The following PHF20 variants were observed in gnomAD, a reference collection of about 807,000 sequenced individuals.
PHF20 encodes glioma-expressed antigen 2.
In PHF20, 23 loss-of-function variants were observed where a neutral mutation model predicts 113.5. The ratio of observed to expected loss-of-function variants is 0.20; its 90% CI spans 0.15 to 0.29. The LOEUF is 0.29. PHF20 is among the 10% of genes least tolerant of loss of function. The pLI is 1.00. For missense variants in PHF20, 943 were observed against 1,219.6 expected, an observed-to-expected ratio of 0.77 and a Z score of 3.38; for synonymous variants, 434 against 457.3, an observed-to-expected ratio of 0.95 and a Z score of 0.65.
At chr20:35,862,987 T>G (rs1568668680) in intron 5 of PHF20, 26 bp from the exon 6 acceptor site, 1 of 1,534,844 alleles carries the variant, frequency 6.5e-7, no homozygotes, top group East Asian at 2.3e-5. Context: ...TCACGAAGTG[T>G]TTCATCGCTA....
intron 10 of PHF20, among the ~76,000 whole-genome samples, chr20:35,910,855 C>T (rs1359575677): frequency 6.6e-6 from 1 of 152,100 alleles, no homozygotes; most frequent in African/African-American, 2.4e-5. Flanking sequence ...TCTTGAACTC[C>T]TGACCCCAGC....
chr20:35,884,831 T>G lies in PHF20; in HGVS notation c.1282+13002T>G, dbSNP rs150077137. Among the ~76,000 whole-genome samples, 105 of 152,290 alleles carry G rather than the reference T, an allele frequency of 6.9e-4. 1 individual carries two copies. In the East Asian group the frequency reaches 0.019, roughly 27 times the overall value. The stretch of plus-strand genomic sequence containing the variant: ...AGCTTTATTATTCTCTCCCAGATTT[T>G]ATTTTATTTCATTTTTTGAGATGGA... On this transcript the variant is annotated intron_variant, in intron 9 of 17. Transcript: ENST00000374012.
intron 5 of PHF20, among the ~76,000 whole-genome samples, chr20:35,859,579 C>G (rs2054178713): frequency 6.8e-6 from 1 of 148,104 alleles, no homozygotes; most frequent in Non-Finnish European, 1.5e-5. Flanking sequence ...GAGTCTTGTT[C>G]TGTTGCCTGG....
intron 1 of PHF20, among the ~76,000 whole-genome samples, chr20:35,785,090 G>A (rs1414985174): frequency 2.0e-5 from 3 of 151,712 alleles, no homozygotes; most frequent in Non-Finnish European, 2.9e-5. Flanking sequence ...GGAGGAAGGA[G>A]GTCTTGCTTC....
Position 35,863,366 on chromosome 20 carries a change from A to G in PHF20, c.774A>G (p.Arg258=), listed in dbSNP as rs778556177. The G allele has an allele frequency of 1.1e-5, 18 of 1,608,032 alleles. No homozygotes were observed. Among genetic ancestry groups the G allele is most frequent in the Non-Finnish European group, 1.5e-5 (18 of 1,178,506 alleles). The change falls in exon 6 of 18, where the codon AGA becomes AGG. Residue 258 remains arginine (R), a synonymous_variant. Coordinates refer to ENST00000374012, the MANE Select transcript of PHF20 (RefSeq NM_016436.5). ...AAGAAAACTTGAGGGAACCCAAAAG[A>G]AAACGAGGCAGACCCCCTTCCATAG... The part of the protein sequence containing the change: ...SPQENLREPK[R]KRGRPPSIAP...
chr20:35,916,917 G>A (rs905000092), intron 12 of PHF20, among the ~76,000 whole-genome samples: 7 of 152,092 alleles, frequency 4.6e-5, no homozygotes, highest in African/African-American at 1.4e-4. Flanking sequence ...GTGCATCACC[G>A]TGCCCAGCTA....
intron 2 of PHF20, among the ~76,000 whole-genome samples, chr20:35,832,609 AGAGTGGGCAGG>A (rs1441604976): frequency 6.6e-6 from 1 of 152,208 alleles, no homozygotes; most frequent in Non-Finnish European, 1.5e-5. Flanking sequence ...TTGCCTGGGA[AGAGTGGGCAGG>A]GATTGTTGTT....
chr20:35,944,853 G>A lies in PHF20; in HGVS notation c.2897-2632G>A, dbSNP rs541887024. Among the ~76,000 whole-genome samples, 589 of 152,210 alleles carry A rather than the reference G, an allele frequency of 3.9e-3. 1 individual carries two copies. The highest frequency in any genetic ancestry group is 5.6e-3 in the Non-Finnish European group (378 of 67,992). ...AGGTGTTGGGATTACAGGCGTGCAC[G>A]TCCGGCCTCTCCATTTATTCTTCTG... On this transcript the variant is annotated intron_variant, in intron 17 of 17. Transcript: ENST00000374012.
intron 3 of PHF20, 26 bp from the exon 4 acceptor site, chr20:35,847,322 ATC>A: frequency 1.6e-6 from 2 of 1,281,110 alleles, no homozygotes; most frequent in Admixed American, 3.6e-5. Flanking sequence ...TGGTAACAGG[ATC>A]TTTTTTTTTT....
rs533007279 is a variant in PHF20 at position 35,911,777 on chromosome 20, G to C, written c.1562-1472G>C. On this transcript the variant is annotated intron_variant, in intron 10 of 17. Transcript: ENST00000374012. ...CGATTCGAGCAATTCTTCTGCCTCAGCCTCCCAAGTAGCTGGGATTACAGG... is the reference window on the plus strand; with the variant it reads ...CGATTCGAGCAATTCTTCTGCCTCACCCTCCCAAGTAGCTGGGATTACAGG... Among the ~76,000 whole-genome samples, 140 of 152,040 alleles carry C rather than the reference G, an allele frequency of 9.2e-4. 1 individual carries two copies. The South Asian group carries it at 0.029, about 31-fold the overall frequency.
intron 2 of PHF20, among the ~76,000 whole-genome samples, chr20:35,831,104 C>T (rs964904091): frequency 6.6e-6 from 1 of 152,080 alleles, no homozygotes; most frequent in Non-Finnish European, 1.5e-5. Flanking sequence ...AATATACACA[C>T]TAAAGTTATT....
intron 1 of PHF20, among the ~76,000 whole-genome samples, chr20:35,777,385 G>A (rs1180587435): frequency 1.3e-5 from 2 of 152,214 alleles, no homozygotes; most frequent in South Asian, 2.1e-4. Flanking sequence ...GAGATGTAAT[G>A]TTTTTAGTCC....
intron 17 of PHF20, among the ~76,000 whole-genome samples, chr20:35,945,314 C>G (rs1413135160): frequency 1.3e-5 from 2 of 152,138 alleles, no homozygotes; most frequent in South Asian, 2.1e-4. Flanking sequence ...GGAACTTGAT[C>G]TAGTGGGAGA....
chr20:35,827,112 G>T (rs2042275566), intron 2 of PHF20, among the ~76,000 whole-genome samples: 1 of 152,130 alleles, frequency 6.6e-6, no homozygotes, highest in Non-Finnish European at 1.5e-5. Flanking sequence ...AGGAATAGAG[G>T]CAAGCTCTGA....
intron 10 of PHF20, among the ~76,000 whole-genome samples, chr20:35,908,345 G>A (rs1256200327): frequency 6.6e-6 from 1 of 152,198 alleles, no homozygotes; most frequent in Non-Finnish European, 1.5e-5. Context: ...TTCTGCCACT[G>A]GAGTTTACAA....
intron 1 of PHF20, among the ~76,000 whole-genome samples, chr20:35,777,455 G>C (rs1054667347): frequency 2.6e-5 from 4 of 152,234 alleles, no homozygotes; most frequent in African/African-American, 9.7e-5. Flanking sequence ...TTCCTGGATT[G>C]TAAAGGTGCT....
intron 1 of PHF20, among the ~76,000 whole-genome samples, chr20:35,776,951 T>C (rs1259863167): frequency 1.3e-5 from 2 of 152,204 alleles, no homozygotes; most frequent in Non-Finnish European, 2.9e-5. Context: ...TCTGATTTCT[T>C]TCATGTGCTC....
intron 3 of PHF20, among the ~76,000 whole-genome samples, chr20:35,843,712 A>G (rs1250336120): frequency 6.6e-6 from 1 of 151,968 alleles, no homozygotes; most frequent in Non-Finnish European, 1.5e-5. Context: ...CTTCCCAAGT[A>G]GCTGGGACCA....
In PHF20 at chr20:35,913,361, C is replaced by A; in HGVS notation, c.1660+14C>A. ...AAACCAAACCTGGTAATTTTTTTTC[C>A]TGAGGGTTTCACTTAGGTTTCCTTA... On this transcript the variant is annotated intron_variant, in intron 11 of 17. Transcript: ENST00000374012. The A allele has an allele frequency of 1.3e-6, 2 of 1,555,002 alleles. No individual in the cohort carries two copies. The highest frequency in any genetic ancestry group is 1.2e-5 in the South Asian group (1 of 86,284).
Sources: gnomAD v4.1 joint callset for allele counts (sites outside exome capture counted in the v4.1 genomes callset) on GRCh38, gnomAD v4.1.1 for gene constraint, MANE v1.5 for transcripts, NCBI Gene and HGNC (gene_info 2026-07-23, HGNC 2026-07-21) for gene names.